Variants in IMMP2L observed in about 807,000 individuals in gnomAD.
IMMP2L encodes the protein inner mitochondrial membrane peptidase subunit 2.
IMMP2L carries 18 observed loss-of-function variants against 19.3 expected under a neutral mutation model. The observed-to-expected ratio is 0.93, with a 90% CI of 0.64 to 1.38. The LOEUF (loss-of-function observed/expected upper bound fraction) is 1.38. Among genes scored for constraint, IMMP2L ranks in the 40% most tolerant of loss-of-function variants. IMMP2L has a pLI of 0.00. For synonymous variants in IMMP2L, 76 were observed against 73.0 expected (o/e 1.04, Z -0.21); for missense variants, 233 against 218.2 (o/e 1.07, Z -0.43).
At chr7:111,039,615 T>C (rs6466370) in intron 3 of IMMP2L, among the ~76,000 whole-genome samples, 73,502 of 151,932 alleles carry the variant, frequency 0.48, 18,837 homozygotes, top group Non-Finnish European at 0.58. Context: ...GCTTGCATGT[T>C]AGTCCATGTA....
intron 5 of IMMP2L, among the ~76,000 whole-genome samples, chr7:110,703,783 T>C (rs530882698): frequency 1.3e-5 from 2 of 152,270 alleles, no homozygotes; most frequent in African/African-American, 4.8e-5. Flanking sequence ...GTGCAACATA[T>C]TCAAAATCTT....
At position 110,798,995 on chromosome 7, in the gene IMMP2L, C is replaced by T. The variant is rs1012366583; in HGVS notation, c.408+87598G>A. On this transcript the variant is annotated intron_variant, in intron 5 of 5. Transcript: ENST00000405709. The stretch of plus-strand genomic sequence containing the variant: ...GATAAAAACTAAAACAATGGTAATA[C>T]GCTGTAACTCAAATAAGGCATTTTA... Among the ~76,000 whole-genome samples, 5 of 151,926 alleles carry T rather than the reference C, an allele frequency of 3.3e-5. No individual in the cohort carries two copies. In the East Asian group the frequency reaches 7.8e-4, roughly 24 times the overall value.
At chr7:110,774,703 C>CTA in intron 5 of IMMP2L, among the ~76,000 whole-genome samples, 1 of 152,116 alleles carries the variant, frequency 6.6e-6, no homozygotes, top group South Asian at 2.1e-4. Context: ...CAGTAACATG[C>CTA]TATACAGGTT....
chr7:111,439,061 A>G (rs1041287391), intron 3 of IMMP2L, among the ~76,000 whole-genome samples: 2 of 151,884 alleles, frequency 1.3e-5, no homozygotes, highest in African/African-American at 4.9e-5. Flanking sequence ...CAGCAGTTAG[A>G]ATCAGCCCTT....
chr7:110,911,127 T>G (rs1387624305), intron 4 of IMMP2L, among the ~76,000 whole-genome samples: 1 of 152,000 alleles, frequency 6.6e-6, no homozygotes, highest in Non-Finnish European at 1.5e-5. Context: ...AAACAAATGA[T>G]AAAGATGAAC....
intron 3 of IMMP2L, among the ~76,000 whole-genome samples, chr7:111,450,115 T>G (rs56361222): frequency 0.38 from 57,761 of 151,454 alleles, 12,794 homozygotes; most frequent in Non-Finnish European, 0.5. Flanking sequence ...GAATCAATAT[T>G]GTGAAAATGG....
intron 5 of IMMP2L, among the ~76,000 whole-genome samples, chr7:110,834,703 T>C (rs966543572): frequency 2.0e-5 from 3 of 152,184 alleles, no homozygotes; most frequent in Non-Finnish European, 4.4e-5. Flanking sequence ...GAGAAAACTA[T>C]AGCATGTGAC....
intron 3 of IMMP2L, among the ~76,000 whole-genome samples, chr7:111,261,072 A>G (rs1562978848): frequency 6.6e-6 from 1 of 152,170 alleles, no homozygotes; most frequent in Non-Finnish European, 1.5e-5. Context: ...AATTCTCAGT[A>G]TAATGTAACA....
chr7:111,232,571 G>A (rs1352178645), intron 3 of IMMP2L, among the ~76,000 whole-genome samples: 2 of 151,588 alleles, frequency 1.3e-5, no homozygotes, highest in Non-Finnish European at 2.9e-5. Flanking sequence ...TTTTTTGTTA[G>A]CCCAAGTTAC....
At chr7:111,292,701 T>C (rs1230275358) in intron 3 of IMMP2L, among the ~76,000 whole-genome samples, 1 of 152,042 alleles carries the variant, frequency 6.6e-6, no homozygotes, top group Non-Finnish European at 1.5e-5. Flanking sequence ...ATTTCAACTC[T>C]GCCATTTACT....
intron 3 of IMMP2L, among the ~76,000 whole-genome samples, chr7:111,235,427 T>C (rs1814183894): frequency 6.6e-6 from 1 of 150,488 alleles, no homozygotes. Flanking sequence ...GCTGAGATCA[T>C]GCCATTGCAT....
intron 5 of IMMP2L, among the ~76,000 whole-genome samples, chr7:110,746,746 T>C (rs940158319): frequency 6.6e-6 from 1 of 152,130 alleles, no homozygotes; most frequent in Non-Finnish European, 1.5e-5. Flanking sequence ...GGGACACATG[T>C]AAAGCAGTGT....
At position 111,123,267 on chromosome 7, in the gene IMMP2L, T is replaced by C. The variant is rs1353730044; in HGVS notation, c.240-159702A>G. On this transcript the variant is annotated intron_variant, in intron 3 of 5. Coordinates refer to ENST00000405709, the MANE Select transcript of IMMP2L (RefSeq NM_032549.4). This position sits in a 1 kb window ranked among gnomAD's most constrained non-coding sequence, Gnocchi z 6.4. ...CTGGAGCCTTTATTGGCCTACATAATCTTCTTCGACTTCATCTCAATTCAA... is the reference window on the plus strand; with the variant it reads ...CTGGAGCCTTTATTGGCCTACATAACCTTCTTCGACTTCATCTCAATTCAA... 3 of 1,613,862 alleles carry C rather than the reference T, an allele frequency of 1.9e-6. No individual in the cohort carries two copies. The South Asian group carries it at 3.3e-5, about 18-fold the overall frequency.
intron 3 of IMMP2L, among the ~76,000 whole-genome samples, chr7:111,234,557 G>GAT (rs1407501086): frequency 6.6e-6 from 1 of 151,814 alleles, no homozygotes; most frequent in Non-Finnish European, 1.5e-5. Flanking sequence ...TTTTTCCCTG[G>GAT]ATATATACAA....
At chr7:111,387,075 A>G (rs949649334) in intron 3 of IMMP2L, among the ~76,000 whole-genome samples, 5 of 152,214 alleles carry the variant, frequency 3.3e-5, no homozygotes, top group Admixed American at 3.3e-4. Flanking sequence ...TGTAAAAAGA[A>G]AAGAAAATAC....
At chr7:110,671,417 T>G (rs1453575586) in intron 5 of IMMP2L, among the ~76,000 whole-genome samples, 1 of 152,258 alleles carries the variant, frequency 6.6e-6, no homozygotes, top group Non-Finnish European at 1.5e-5. Context: ...TACTTGAATA[T>G]TCCTGCTTCC....
intron 4 of IMMP2L, among the ~76,000 whole-genome samples, chr7:110,913,903 C>A (rs1813311710): frequency 1.3e-5 from 2 of 152,164 alleles, no homozygotes; most frequent in Non-Finnish European, 2.9e-5. Flanking sequence ...AGAGCAGAAG[C>A]ACTGTTGGGT....
chr7:111,502,467 T>G (rs1844388824), intron 2 of IMMP2L, among the ~76,000 whole-genome samples: 1 of 152,036 alleles, frequency 6.6e-6, no homozygotes, highest in Non-Finnish European at 1.5e-5. Context: ...GCCCCAAGCA[T>G]ACCTAATAGA....
intron 3 of IMMP2L, chr7:111,124,988 A>C (rs1424115302): frequency 1.1e-6 from 1 of 946,844 alleles, no homozygotes; most frequent in Non-Finnish European, 1.5e-6. Context: ...AAAACAAACA[A>C]ACAAACAAAA....
Sources: gnomAD v4.1 joint callset for allele counts (sites outside exome capture counted in the v4.1 genomes callset) on GRCh38, gnomAD v4.1.1 for gene constraint, Gnocchi (gnomAD v3.1) non-coding constraint, MANE v1.5 for transcripts, NCBI Gene and HGNC (gene_info 2026-07-23, HGNC 2026-07-21) for gene names.